Variants in CACNG2 observed in about 807,000 individuals in gnomAD.
The protein encoded by CACNG2 is voltage-dependent calcium channel gamma-2 subunit.
A neutral mutation model predicts 25.9 loss-of-function variants in CACNG2; 3 were observed. The ratio of observed to expected loss-of-function variants is 0.12; its 90% confidence interval spans 0.05 to 0.30. The LOEUF (loss-of-function observed/expected upper bound fraction) is 0.30, where lower values mean the gene tolerates loss of function less well. Ranked by LOEUF, CACNG2 falls within the 10% of genes least tolerant of loss-of-function variation. The probability of loss-of-function intolerance (pLI) is 1.00; values close to 1 mark genes in which losing one functional copy is unlikely to be tolerated. For synonymous variants in CACNG2, 167 were observed against 173.3 expected, an observed-to-expected ratio of 0.96 and a Z score of 0.29; for missense variants, 341 against 432.5, an observed-to-expected ratio of 0.79 and a Z score of 1.88.
intron 2 of CACNG2, among the ~76,000 whole-genome samples, chr22:36,578,408 A>G (rs1454127170): frequency 6.6e-6 from 1 of 150,840 alleles, no homozygotes; most frequent in East Asian, 1.9e-4. Context: ...CTAAAACTCT[A>G]GGCGGGTGAA....
At chr22:36,634,413 G>C (rs1156455302) in intron 1 of CACNG2, among the ~76,000 whole-genome samples, 1 of 152,242 alleles carries the variant, frequency 6.6e-6, no homozygotes, top group Non-Finnish European at 1.5e-5. Context: ...GGAGCTGTAA[G>C]ATTGAAAGGC....
intron 1 of CACNG2, among the ~76,000 whole-genome samples, chr22:36,612,576 G>A (rs1389507291): frequency 6.6e-6 from 1 of 152,144 alleles, no homozygotes; most frequent in Non-Finnish European, 1.5e-5. Flanking sequence ...CTTCTTGGAG[G>A]AGAGAGGCCA....
At position 36,679,306 on chromosome 22, in the gene CACNG2, G is replaced by A. The variant is rs78467861; in HGVS notation, c.211+23060C>T. On this transcript the variant is annotated intron_variant, in intron 1 of 3. Coordinates refer to ENST00000300105, the MANE Select transcript of CACNG2 (RefSeq NM_006078.5). ...TGAAGTGTGGTAGGGCTGTCAGTCA[G>A]GGGTTAAAGTCCTTTATAAGAAAAC... Among the ~76,000 whole-genome samples the A allele has an allele frequency of 3.0e-3, 450 of 151,894 alleles. 4 individuals carry two copies. Among genetic ancestry groups the A allele is most frequent in the African/African-American group, 0.01 (426 of 41,330 alleles).
rs1343493018 is a variant in CACNG2 at position 36,606,518 on chromosome 22, G to C, written c.212-18970C>G. ...GGCTGCACTGTTACAGCACAGTACA[G>C]GATGCTGGGTAGTAGGGACAGTGCA... is the stretch of plus-strand genomic sequence containing the variant. On this transcript the variant is annotated intron_variant, in intron 1 of 3. Transcript: ENST00000300105. This position sits in a 1 kb window ranked among gnomAD's most constrained non-coding sequence, Gnocchi z 5.7. Among the ~76,000 whole-genome samples the C allele has an allele frequency of 2.0e-5, 3 of 152,140 alleles. No homozygotes were observed. The highest frequency in any genetic ancestry group is 2.9e-5 in the Non-Finnish European group (2 of 68,018).
chr22:36,569,861 C>T (rs1375013421), intron 2 of CACNG2, among the ~76,000 whole-genome samples: 2 of 152,108 alleles, frequency 1.3e-5, no homozygotes, highest in African/African-American at 4.8e-5. Context: ...TCTAATAGCT[C>T]TGCCCTTTCC....
intron 2 of CACNG2, among the ~76,000 whole-genome samples, chr22:36,581,367 C>A (rs771197312): frequency 5.3e-5 from 8 of 152,148 alleles, no homozygotes; most frequent in Non-Finnish European, 7.4e-5. Flanking sequence ...TTAATTCATT[C>A]ATTCATTCGT....
Position 36,564,247 on chromosome 22 carries a change from T to C in CACNG2, c.*104A>G, listed in dbSNP as rs1935083676. 6 of 985,084 alleles carry C rather than the reference T, an allele frequency of 6.1e-6. No individual in the cohort carries two copies. Among genetic ancestry groups the C allele is most frequent in the Non-Finnish European group, 8.6e-6 (6 of 695,898 alleles). The allele number at this position is 985,084 out of a possible 1,614,324, so 61.0% of individuals were successfully genotyped here. A position where few individuals can be genotyped will look rare whatever the true frequency, so the allele number is the denominator to read the frequency against. On this transcript the variant is annotated 3_prime_UTR_variant, in exon 4 of 4. Transcript: ENST00000300105. The surrounding 1 kb of genome is among the most constrained non-coding windows in gnomAD (Gnocchi z 6.7). ...TTTTGTTTTTTTTGTTTTTTGTTTT[T>C]GCTTTTGGAAGGTCTCCCAGCGGAG...
chr22:36,695,580 C>T (rs1937328691), intron 1 of CACNG2, among the ~76,000 whole-genome samples: 6 of 150,962 alleles, frequency 4.0e-5, no homozygotes, highest in Admixed American at 4.0e-4. Flanking sequence ...ACATGCTGCC[C>T]TCCGATCTGG....
intron 1 of CACNG2, among the ~76,000 whole-genome samples, chr22:36,641,530 G>A (rs533901185): frequency 7.9e-5 from 12 of 152,238 alleles, no homozygotes; most frequent in South Asian, 6.2e-4. Flanking sequence ...AATTCACACC[G>A]GATTCCTGTA....
chr22:36,662,412 G>A (rs906689842), intron 1 of CACNG2, among the ~76,000 whole-genome samples: 2 of 152,118 alleles, frequency 1.3e-5, no homozygotes, highest in African/African-American at 4.8e-5. Context: ...CCCATTTTCT[G>A]ACCTGACCCC....
chr22:36,595,869 C>G (rs1169029102), intron 1 of CACNG2, among the ~76,000 whole-genome samples: 1 of 152,246 alleles, frequency 6.6e-6, no homozygotes. Context: ...AGGCCAAGGG[C>G]TGTGCCGTGG....
At chr22:36,579,773 C>G (rs1935382631) in intron 2 of CACNG2, among the ~76,000 whole-genome samples, 1 of 152,202 alleles carries the variant, frequency 6.6e-6, no homozygotes, top group Non-Finnish European at 1.5e-5. Context: ...ACTGGCGGTT[C>G]CCTCTGCCTG....
chr22:36,628,219 G>C (rs1327795524), intron 1 of CACNG2, among the ~76,000 whole-genome samples: 1 of 152,206 alleles, frequency 6.6e-6, no homozygotes, highest in Non-Finnish European at 1.5e-5. Context: ...AAAAGGAATA[G>C]ATAGTTGGGG....
intron 1 of CACNG2, among the ~76,000 whole-genome samples, chr22:36,623,247 C>T (rs1240660588): frequency 3.3e-5 from 5 of 151,928 alleles, no homozygotes; most frequent in African/African-American, 7.3e-5. Flanking sequence ...TCTCGAACTC[C>T]TGACCTCAAG....
chr22:36,695,230 A>G (rs1427611195), intron 1 of CACNG2, among the ~76,000 whole-genome samples: 1 of 152,054 alleles, frequency 6.6e-6, no homozygotes, highest in Non-Finnish European at 1.5e-5. Flanking sequence ...AAAAAGAAAG[A>G]AAGAAAGGAA....
Position 36,606,537 on chromosome 22 carries a change from C to T in CACNG2, c.212-18989G>A, listed in dbSNP as rs1437830642. 6.6e-6 allele frequency among the ~76,000 whole-genome samples: 1 copy of T among 151,836 alleles called. No individual in the cohort carries two copies. The highest frequency in any genetic ancestry group is 2.4e-5 in the African/African-American group (1 of 41,312). On this transcript the variant is annotated intron_variant, in intron 1 of 3. Coordinates refer to ENST00000300105, the MANE Select transcript of CACNG2 (RefSeq NM_006078.5). The surrounding 1 kb of genome is among the most constrained non-coding windows in gnomAD (Gnocchi z 5.7). ...AGTACAGGATGCTGGGTAGTAGGGA[C>T]AGTGCATGGCATAATCTGGGTACTG...
chr22:36,640,321 A>G (rs910727907), intron 1 of CACNG2, among the ~76,000 whole-genome samples: 1 of 152,184 alleles, frequency 6.6e-6, no homozygotes, highest in Admixed American at 6.5e-5. Flanking sequence ...CTCTTGATGG[A>G]ACCCTTTCAA....
chr22:36,659,786 A>G (rs911751181), intron 1 of CACNG2, among the ~76,000 whole-genome samples: 2 of 152,224 alleles, frequency 1.3e-5, no homozygotes, highest in East Asian at 3.9e-4. Flanking sequence ...GCTGGAATTT[A>G]GCAGCCAGAT....
At chr22:36,692,996 A>C (rs1937284841) in intron 1 of CACNG2, among the ~76,000 whole-genome samples, 1 of 152,170 alleles carries the variant, frequency 6.6e-6, no homozygotes, top group Admixed American at 6.5e-5. Context: ...AAATACAAAA[A>C]TTAGATAAGC....
Sources: gnomAD v4.1 joint callset for allele counts (sites outside exome capture counted in the v4.1 genomes callset) on GRCh38, gnomAD v4.1.1 for gene constraint, Gnocchi (gnomAD v3.1) non-coding constraint, MANE v1.5 for transcripts, NCBI Gene and HGNC (gene_info 2026-07-23, HGNC 2026-07-21) for gene names.